Variants in ZNF503 observed in about 807,000 individuals in gnomAD.
The protein encoded by ZNF503 is zinc finger protein 503.
ZNF503 carries 15 observed loss-of-function variants against 34.4 expected under a neutral mutation model. The observed-to-expected ratio is 0.44, with a 90% confidence interval of 0.29 to 0.67. ZNF503 has a LOEUF of 0.67. Ranked by LOEUF, ZNF503 falls within the 30% of genes least tolerant of loss-of-function variation. The pLI is 0.13. For missense variants in ZNF503, 1,007 were observed against 926.8 expected (o/e 1.09, Z -1.12); for synonymous variants, 580 against 456.8 (o/e 1.27, Z -3.44).
chr10:75,398,817 G>C lies in ZNF503; in HGVS notation c.1873C>G (p.Pro625Ala), dbSNP rs755615495. The part of the protein sequence containing the change: ...APVPVPAATG[P>A]YYSPYALYGQ... ...TAGAGGGCGTAGGGGGAGTAGTACGGTCCGGTGGCGGCGGGCACCGGCACG... is the reference window on the plus strand; with the variant it reads ...TAGAGGGCGTAGGGGGAGTAGTACGCTCCGGTGGCGGCGGGCACCGGCACG... The change falls in exon 2 of 2, where the codon CCG becomes GCG. Residue 625 changes from proline (P) to alanine (A), a missense_variant. Pro to Ala is a conservative substitution (Grantham distance 27). Transcript: ENST00000372524. 2 of 1,498,692 alleles carry C rather than the reference G, an allele frequency of 1.3e-6. No individual in the cohort carries two copies. Among genetic ancestry groups the C allele is most frequent in the East Asian group, 2.3e-5 (1 of 43,024 alleles). The allele number at this position is 1,498,692 out of a possible 1,614,324, so 92.8% of individuals were successfully genotyped here.
At chr10:75,326,382 C>T in the ZNF503 span, among the ~76,000 whole-genome samples, 1 of 151,986 alleles carries the variant, frequency 6.6e-6, no homozygotes, top group Non-Finnish European at 1.5e-5. Flanking sequence ...ATCTTTCTTT[C>T]TTTCTTTCTT....
the ZNF503 span, among the ~76,000 whole-genome samples, chr10:75,346,955 C>A: frequency 6.6e-6 from 1 of 152,030 alleles, no homozygotes; most frequent in Admixed American, 6.6e-5. Context: ...GCCAGGCGCC[C>A]CCATTTTCAT....
At chr10:75,355,294 T>C in the ZNF503 span, among the ~76,000 whole-genome samples, 22 of 152,234 alleles carry the variant, frequency 1.4e-4, no homozygotes, top group Non-Finnish European at 2.9e-4. Context: ...AGCACCTTTT[T>C]TTCTTTTTAA....
the ZNF503 span, among the ~76,000 whole-genome samples, chr10:75,280,555 CGTGTGTGTGTGT>C: frequency 8.5e-3 from 1,243 of 146,610 alleles, 12 homozygotes; most frequent in Middle Eastern, 0.018. Context: ...GGTGTGTATG[CGTGTGTGTGTGT>C]GTGTGTGTGT....
At chr10:75,388,731 G>A in the ZNF503 span, among the ~76,000 whole-genome samples, 2 of 152,288 alleles carry the variant, frequency 1.3e-5, no homozygotes, top group East Asian at 1.9e-4. Context: ...GGCTGTAGTG[G>A]GTTGACAGAA....
At chr10:75,346,775 CG>C in the ZNF503 span, among the ~76,000 whole-genome samples, 12 of 151,326 alleles carry the variant, frequency 7.9e-5, no homozygotes, top group African/African-American at 2.7e-4. Context: ...AGCCTACAGG[CG>C]TGCACCACCA....
chr10:75,362,467 G>A, the ZNF503 span, among the ~76,000 whole-genome samples: 4 of 152,018 alleles, frequency 2.6e-5, no homozygotes, highest in African/African-American at 9.7e-5. Context: ...GCCCACACCA[G>A]AGCAGGGCCA....
the ZNF503 span, among the ~76,000 whole-genome samples, chr10:75,309,229 A>G: frequency 6.6e-6 from 1 of 152,234 alleles, no homozygotes; most frequent in Non-Finnish European, 1.5e-5. Flanking sequence ...CATTGTTGAA[A>G]TGACAACAAA....
the ZNF503 span, among the ~76,000 whole-genome samples, chr10:75,346,140 G>C: frequency 6.6e-6 from 1 of 152,214 alleles, no homozygotes; most frequent in Non-Finnish European, 1.5e-5. Flanking sequence ...TGGAGATCCT[G>C]AGAGGTAGAG....
chr10:75,350,670 G>C, the ZNF503 span, among the ~76,000 whole-genome samples: 17 of 151,914 alleles, frequency 1.1e-4, no homozygotes, highest in African/African-American at 3.4e-4. Context: ...GCCTCAGCCT[G>C]CTAAGTAGCT....
At chr10:75,346,555 A>AC in the ZNF503 span, among the ~76,000 whole-genome samples, 1 of 136,978 alleles carries the variant, frequency 7.3e-6, no homozygotes, top group Non-Finnish European at 1.6e-5. Context: ...CTCAGCCACC[A>AC]CCCCCCTCCA....
chr10:75,298,949 T>TC, the ZNF503 span: 1 of 150,732 alleles, frequency 6.6e-6, no homozygotes, highest in East Asian at 2.0e-4. Context: ...TTTTTTTTTT[T>TC]AGACAAGGTT....
chr10:75,289,434 G>A, the ZNF503 span, among the ~76,000 whole-genome samples: 1 of 152,112 alleles, frequency 6.6e-6, no homozygotes, highest in Non-Finnish European at 1.5e-5. Flanking sequence ...CAGGAATTTG[G>A]ATAGGGCACA....
chr10:75,313,662 G>A, the ZNF503 span, among the ~76,000 whole-genome samples: 3 of 152,226 alleles, frequency 2.0e-5, no homozygotes, highest in East Asian at 5.8e-4. Context: ...CACTGGGCTT[G>A]TGGGCACTCC....
rs1843829358 is a variant in ZNF503 at position 75,401,689 on chromosome 10, C to G, written c.-270G>C. On this transcript the variant is annotated 5_prime_UTR_variant, in exon 1 of 2. Coordinates refer to ENST00000372524, the MANE Select transcript of ZNF503 (RefSeq NM_032772.6). ...GCGGTGTCCGCCTCGGGCTGCTCCC[C>G]TGCGCTGCGTTCTCGCGGCCCCGCG... The G allele has an allele frequency of 4.5e-6, 2 of 444,920 alleles. No homozygotes were observed. The highest frequency in any genetic ancestry group is 7.9e-6 in the Non-Finnish European group (2 of 253,632). The allele number at this position is 444,920 out of a possible 1,614,324, so 27.6% of individuals were successfully genotyped here. A position where few individuals can be genotyped will look rare whatever the true frequency, so the allele number is the denominator to read the frequency against.
At chr10:75,289,593 A>ATTC in the ZNF503 span, among the ~76,000 whole-genome samples, 1 of 151,910 alleles carries the variant, frequency 6.6e-6, no homozygotes, top group Non-Finnish European at 1.5e-5. Flanking sequence ...TATTATTACT[A>ATTC]TTATTATTTT....
the ZNF503 span, among the ~76,000 whole-genome samples, chr10:75,341,214 C>T: frequency 6.6e-6 from 1 of 152,124 alleles, no homozygotes; most frequent in Admixed American, 6.5e-5. Context: ...TTCAGAAACT[C>T]TTTTAAAGTT....
At chr10:75,289,936 A>G in the ZNF503 span, among the ~76,000 whole-genome samples, 1 of 152,266 alleles carries the variant, frequency 6.6e-6, no homozygotes, top group African/African-American at 2.4e-5. Flanking sequence ...CATCACCACC[A>G]TCCTTCTTGA....
chr10:75,293,954 C>G, the ZNF503 span, among the ~76,000 whole-genome samples: 1 of 152,150 alleles, frequency 6.6e-6, no homozygotes, highest in Admixed American at 6.5e-5. Context: ...TCTCTGAGCC[C>G]TCAGGGACAG....
Sources: gnomAD v4.1 joint callset for allele counts (sites outside exome capture counted in the v4.1 genomes callset) on GRCh38, gnomAD v4.1.1 for gene constraint, MANE v1.5 for transcripts, NCBI Gene and HGNC (gene_info 2026-07-23, HGNC 2026-07-21) for gene names.